CHST9: variants seen among roughly 807,000 people sequenced by gnomAD.
CHST9 encodes GalNAc-4-sulfotransferase 2.
In CHST9, 41 loss-of-function variants were observed where a neutral mutation model predicts 44.4. That is an observed-to-expected ratio of 0.92 (90% CI 0.72 to 1.20). The LOEUF is 1.20. Among genes scored for constraint, CHST9 ranks in the 50% most tolerant of loss-of-function variants. The pLI is 0.00. For synonymous variants in CHST9, 171 were observed against 178.4 expected (o/e 0.96, Z 0.33); for missense variants, 504 against 516.5 (o/e 0.98, Z 0.23).
At chr18:27,100,416 T>C (rs2058159670) in intron 2 of CHST9, among the ~76,000 whole-genome samples, 1 of 151,416 alleles carries the variant, frequency 6.6e-6, no homozygotes, top group Non-Finnish European at 1.5e-5. Context: ...AAAACAAAAA[T>C]TGAAAAATAA....
intron 2 of CHST9, among the ~76,000 whole-genome samples, chr18:27,081,990 A>G (rs2057965484): frequency 6.6e-6 from 1 of 152,200 alleles, no homozygotes; most frequent in Non-Finnish European, 1.5e-5. Context: ...GTCACCTGCG[A>G]CATGTTTATC....
At chr18:27,001,422 T>A (rs934200555) in intron 4 of CHST9, among the ~76,000 whole-genome samples, 7 of 152,178 alleles carry the variant, frequency 4.6e-5, no homozygotes, top group African/African-American at 1.7e-4. Flanking sequence ...AGCAAAAGTA[T>A]AAAGAAGTTT....
chr18:27,160,761 G>A (rs2058739740), intron 1 of CHST9, among the ~76,000 whole-genome samples: 1 of 152,148 alleles, frequency 6.6e-6, no homozygotes, highest in Non-Finnish European at 1.5e-5. Context: ...TGATTGGTAA[G>A]CTATTAAGTA....
In CHST9 at chr18:27,028,613, T is replaced by C. The variant is rs534950071; in HGVS notation, c.161-4456A>G. Among the ~76,000 whole-genome samples the C allele has an allele frequency of 1.9e-3, 286 of 152,016 alleles. 1 individual carries two copies. Among genetic ancestry groups the C allele is most frequent in the Non-Finnish European group, 3.5e-3 (236 of 67,992 alleles). Reference sequence around the variant, plus strand: ...CCCAGGCTGGAGTGCAGTAGCACGATCTCGGCTCACGGCAAGCTCTGCCTT... The same window carrying C: ...CCCAGGCTGGAGTGCAGTAGCACGACCTCGGCTCACGGCAAGCTCTGCCTT... On this transcript the variant is annotated intron_variant, in intron 3 of 5. Transcript: ENST00000618847.
intron 4 of CHST9, among the ~76,000 whole-genome samples, chr18:26,953,574 A>C (rs922858247): frequency 3.3e-5 from 5 of 152,176 alleles, no homozygotes; most frequent in African/African-American, 1.2e-4. Context: ...AATGAGAAGG[A>C]AAATGAAGAA....
intron 4 of CHST9, among the ~76,000 whole-genome samples, chr18:26,988,609 A>C (rs962183716): frequency 2.6e-5 from 4 of 152,176 alleles, no homozygotes; most frequent in African/African-American, 9.6e-5. Flanking sequence ...CAGAGAACTC[A>C]ATACCTCTCT....
intron 1 of CHST9, among the ~76,000 whole-genome samples, chr18:27,143,925 G>A (rs576454757): frequency 2.4e-4 from 36 of 152,162 alleles, no homozygotes; most frequent in African/African-American, 8.4e-4. Context: ...AAACCTGCAC[G>A]TTCTGCACGT....
intron 2 of CHST9, among the ~76,000 whole-genome samples, chr18:27,131,728 G>A (rs1373399112): frequency 6.6e-6 from 1 of 152,098 alleles, no homozygotes; most frequent in Non-Finnish European, 1.5e-5. Flanking sequence ...GTGGCAATAG[G>A]TAACAAATTA....
At chr18:27,137,302 ATATG>A (rs1366448921) in intron 2 of CHST9, among the ~76,000 whole-genome samples, 14 of 29,596 alleles carry the variant, frequency 4.7e-4, no homozygotes, top group South Asian at 1.5e-3. Flanking sequence ...ATTTATTTAT[ATATG>A]TGTGTGTGTG....
chr18:27,101,437 A>T (rs1598725328), intron 2 of CHST9, among the ~76,000 whole-genome samples: 1 of 151,114 alleles, frequency 6.6e-6, no homozygotes, highest in South Asian at 2.1e-4. Flanking sequence ...TAAAAATACA[A>T]AAAAAATTAG....
intron 4 of CHST9, among the ~76,000 whole-genome samples, chr18:26,983,064 T>A (rs896013839): frequency 2.0e-5 from 3 of 152,142 alleles, no homozygotes; most frequent in Non-Finnish European, 4.4e-5. Context: ...TTAGCCGGGC[T>A]AAGAATCACA....
intron 4 of CHST9, among the ~76,000 whole-genome samples, chr18:26,958,340 G>A (rs1415820504): frequency 6.6e-6 from 1 of 151,894 alleles, no homozygotes; most frequent in Non-Finnish European, 1.5e-5. Flanking sequence ...AAAAGAATGA[G>A]GAGTAATGAA....
intron 3 of CHST9, among the ~76,000 whole-genome samples, chr18:27,026,928 C>T (rs1438306625): frequency 1.3e-5 from 2 of 152,164 alleles, no homozygotes; most frequent in Admixed American, 6.5e-5. Context: ...TTCTGATCAT[C>T]GTTTTTTGTG....
intron 4 of CHST9, among the ~76,000 whole-genome samples, chr18:26,980,958 T>G (rs1400176289): frequency 6.6e-6 from 1 of 152,194 alleles, no homozygotes; most frequent in Non-Finnish European, 1.5e-5. Context: ...TTTCACTTGT[T>G]CAGTTTTTCT....
chr18:26,937,578 G>T (rs942685822), intron 5 of CHST9, among the ~76,000 whole-genome samples: 1 of 152,154 alleles, frequency 6.6e-6, no homozygotes, highest in Non-Finnish European at 1.5e-5. Flanking sequence ...GATATTTAAA[G>T]CATCCCAGAA....
intron 2 of CHST9, among the ~76,000 whole-genome samples, chr18:27,090,739 A>G (rs1219517031): frequency 6.6e-6 from 1 of 152,166 alleles, no homozygotes; most frequent in Non-Finnish European, 1.5e-5. Flanking sequence ...CAGGTTTGTC[A>G]AAGATCAGAT....
At chr18:26,928,464 C>A (rs1181145088) in intron 5 of CHST9, 1 of 152,032 alleles carries the variant, frequency 6.6e-6, no homozygotes, top group Non-Finnish European at 1.5e-5. Flanking sequence ...CGTCAGATTG[C>A]CTAGGTCTTC....
chr18:26,956,342 T>TACAC (rs1327323320), intron 4 of CHST9, among the ~76,000 whole-genome samples: 7 of 129,714 alleles, frequency 5.4e-5, no homozygotes, highest in African/African-American at 1.8e-4. Context: ...TATATATATA[T>TACAC]ATACACACAC....
chr18:27,012,939 T>A (rs557023962), intron 4 of CHST9, among the ~76,000 whole-genome samples: 1 of 152,314 alleles, frequency 6.6e-6, no homozygotes, highest in South Asian at 2.1e-4. Flanking sequence ...AGGATCTAAT[T>A]TTACATACTG....
Sources: gnomAD v4.1 joint callset for allele counts (sites outside exome capture counted in the v4.1 genomes callset) on GRCh38, gnomAD v4.1.1 for gene constraint, MANE v1.5 for transcripts, NCBI Gene and HGNC (gene_info 2026-07-23, HGNC 2026-07-21) for gene names.